The following LRP1B variants were observed in gnomAD, a reference collection of about 807,000 sequenced individuals.
The protein encoded by LRP1B is low-density lipoprotein receptor-related protein 1B.
Under a neutral mutation model 556.6 loss-of-function variants are expected in LRP1B, and 217 were observed. That is an observed-to-expected ratio of 0.39 (90% CI 0.35 to 0.44). The LOEUF is 0.44. Ranked by LOEUF, LRP1B falls within the 20% of genes least tolerant of loss-of-function variation. The pLI, the probability that LRP1B is intolerant of heterozygous loss-of-function variation, is 1.00. For synonymous variants in LRP1B, 2,047 were observed against 1,865.8 expected, an observed-to-expected ratio of 1.10 and a Z score of -2.50; for missense variants, 5,053 against 5,620.8, an observed-to-expected ratio of 0.90 and a Z score of 3.23.
chr2:141,517,449 G>A (rs573513388), intron 2 of LRP1B, among the ~76,000 whole-genome samples: 3 of 152,160 alleles, frequency 2.0e-5, no homozygotes, highest in South Asian at 2.1e-4. Context: ...CTCACAGAGC[G>A]GGGATTCTGT....
At chr2:140,571,855 AGCC>A (rs1681334340) in intron 43 of LRP1B, among the ~76,000 whole-genome samples, 1 of 151,858 alleles carries the variant, frequency 6.6e-6, no homozygotes, top group Non-Finnish European at 1.5e-5. Flanking sequence ...ATGTTTTTAC[AGCC>A]AACTCATTTT....
intron 1 of LRP1B, among the ~76,000 whole-genome samples, chr2:141,933,541 A>G (rs1486545113): frequency 6.6e-6 from 1 of 152,184 alleles, no homozygotes; most frequent in African/African-American, 2.4e-5. Context: ...GAGCTACATC[A>G]TGAGTGTAAA....
At chr2:140,784,525 C>G (rs992204972) in intron 32 of LRP1B, among the ~76,000 whole-genome samples, 1 of 151,262 alleles carries the variant, frequency 6.6e-6, no homozygotes, top group Admixed American at 6.6e-5. Flanking sequence ...GAAGACACAG[C>G]CCGGAAACAC....
At chr2:141,369,835 T>A (rs371488978) in intron 3 of LRP1B, among the ~76,000 whole-genome samples, 3 of 152,196 alleles carry the variant, frequency 2.0e-5, no homozygotes, top group African/African-American at 7.2e-5. Flanking sequence ...CATCATTCCA[T>A]ACTCTGCTTC....
intron 2 of LRP1B, among the ~76,000 whole-genome samples, chr2:141,521,657 C>T (rs146282122): frequency 1.7e-3 from 259 of 151,840 alleles, no homozygotes; most frequent in African/African-American, 5.9e-3. Flanking sequence ...CCTTCTATTG[C>T]CTTTCTACTT....
chr2:140,542,508 G>A (rs1234385018), intron 43 of LRP1B, among the ~76,000 whole-genome samples: 3 of 152,090 alleles, frequency 2.0e-5, no homozygotes, highest in Non-Finnish European at 2.9e-5. Flanking sequence ...TGGAGTAAAA[G>A]GGACTAGATT....
At chr2:140,874,836 T>C (rs1693254168) in intron 25 of LRP1B, among the ~76,000 whole-genome samples, 1 of 151,610 alleles carries the variant, frequency 6.6e-6, no homozygotes, top group Non-Finnish European at 1.5e-5. Flanking sequence ...CTGACCAACA[T>C]GGTGAAATCT....
At chr2:141,045,186 C>T (rs1336696717) in intron 11 of LRP1B, among the ~76,000 whole-genome samples, 17 of 111,666 alleles carry the variant, frequency 1.5e-4, no homozygotes, top group South Asian at 7.5e-4. Context: ...AACCAAACAC[C>T]GCATATTCTC....
chr2:140,972,749 T>G (rs1696469848), intron 18 of LRP1B, among the ~76,000 whole-genome samples: 1 of 151,598 alleles, frequency 6.6e-6, no homozygotes, highest in South Asian at 2.1e-4. Context: ...AATGATAATA[T>G]TTGATCATGA....
chr2:141,013,742 C>A lies in LRP1B; in HGVS notation c.2194G>T (p.Val732Phe). Residue 732 changes from valine (V) to phenylalanine (F), a missense_variant, in exon 14 of 91, where the codon GTT becomes TTT. By Grantham distance (50) the Val-to-Phe change is conservative. Transcript: ENST00000389484. ...TGGTTCAACTCTCTCCCACTGTAAA[C>A]AATCTGTAAAATATAAACACATTGT... ...VFLNGTHRKI[V>F]YSGRELNHPF... 1 of 1,555,962 alleles carries A rather than the reference C, an allele frequency of 6.4e-7. No homozygotes were observed. Among genetic ancestry groups the A allele is most frequent in the Non-Finnish European group, 8.7e-7 (1 of 1,153,656 alleles).
At chr2:140,523,234 G>T (rs889637878) in intron 49 of LRP1B, among the ~76,000 whole-genome samples, 6 of 151,934 alleles carry the variant, frequency 3.9e-5, no homozygotes, top group Non-Finnish European at 8.8e-5. Flanking sequence ...CCAGGTCGGT[G>T]CAACATATGC....
At chr2:141,508,049 G>T (rs972175715) in intron 2 of LRP1B, among the ~76,000 whole-genome samples, 5 of 150,292 alleles carry the variant, frequency 3.3e-5, no homozygotes, top group African/African-American at 1.2e-4. Flanking sequence ...CCATGCCACT[G>T]CATTCCAGTC....
chr2:140,948,965 C>A (rs956218299), intron 20 of LRP1B, among the ~76,000 whole-genome samples: 1 of 152,146 alleles, frequency 6.6e-6, no homozygotes, highest in Non-Finnish European at 1.5e-5. Flanking sequence ...AGAGGGGAAA[C>A]AAAAGACAAA....
At chr2:140,946,607 GAAC>G (rs377380113) in intron 20 of LRP1B, among the ~76,000 whole-genome samples, 10 of 151,854 alleles carry the variant, frequency 6.6e-5, no homozygotes, top group African/African-American at 2.4e-4. Flanking sequence ...TCTCAAACAA[GAAC>G]AACAACAACA....
chr2:140,601,411 A>G (rs560545119), intron 42 of LRP1B, 39 bp downstream of exon 42: 4 of 1,429,084 alleles, frequency 2.8e-6, no homozygotes, highest in East Asian at 2.4e-5. Flanking sequence ...CTTTTGACTT[A>G]TAACTATAAT....
intron 1 of LRP1B, among the ~76,000 whole-genome samples, chr2:142,096,970 T>C (rs898024027): frequency 6.6e-6 from 1 of 151,544 alleles, no homozygotes; most frequent in African/African-American, 2.4e-5. Flanking sequence ...AGTGACTTTA[T>C]AATCGCTGAT....
At chr2:141,069,220 T>A (rs1385503523) in intron 7 of LRP1B, among the ~76,000 whole-genome samples, 4 of 152,012 alleles carry the variant, frequency 2.6e-5, no homozygotes, top group African/African-American at 9.7e-5. Context: ...GAAAGCAAAT[T>A]CGCTTTTTAG....
intron 1 of LRP1B, among the ~76,000 whole-genome samples, chr2:141,886,290 T>C (rs1159671062): frequency 1.3e-5 from 2 of 152,212 alleles, no homozygotes; most frequent in Non-Finnish European, 2.9e-5. Context: ...ATTTCCATTA[T>C]ATTTTTCTGC....
chr2:140,552,105 CTT>C (rs1482009380), intron 43 of LRP1B, among the ~76,000 whole-genome samples: 2 of 152,022 alleles, frequency 1.3e-5, no homozygotes, highest in Admixed American at 1.3e-4. Context: ...TAGAGAAACT[CTT>C]TTTTGATTTA....
Sources: gnomAD v4.1 joint callset for allele counts (sites outside exome capture counted in the v4.1 genomes callset) on GRCh38, gnomAD v4.1.1 for gene constraint, MANE v1.5 for transcripts, NCBI Gene and HGNC (gene_info 2026-07-23, HGNC 2026-07-21) for gene names.